SULF2: variants seen among roughly 807,000 people sequenced by gnomAD.
The protein encoded by SULF2 is extracellular sulfatase Sulf-2.
Under a neutral mutation model 107.7 loss-of-function variants are expected in SULF2, and 52 were observed. That is an observed-to-expected ratio of 0.48 (90% CI 0.39 to 0.61). The LOEUF is 0.61. SULF2 is among the 20% of genes least tolerant of loss of function. The pLI, the probability that SULF2 is intolerant of heterozygous loss-of-function variation, is 0.00. For missense variants in SULF2, 993 were observed against 1,177.3 expected, an observed-to-expected ratio of 0.84 and a Z score of 2.29; for synonymous variants, 460 against 464.3, an observed-to-expected ratio of 0.99 and a Z score of 0.12.
chr20:47,751,468 G>T (rs1322915941), intron 2 of SULF2, among the ~76,000 whole-genome samples: 1 of 152,192 alleles, frequency 6.6e-6, no homozygotes, highest in Admixed American at 6.5e-5. Context: ...CTCAATTTGG[G>T]TACTCTCTTC....
chr20:47,674,361 A>C (rs762369512), intron 10 of SULF2, among the ~76,000 whole-genome samples: 8 of 152,292 alleles, frequency 5.3e-5, no homozygotes, highest in Middle Eastern at 3.4e-3. Flanking sequence ...CTGGGTTCAA[A>C]TCCTGCCTCC....
At chr20:47,659,507 A>G in intron 19 of SULF2, 55 bp from the exon 20 acceptor site, 2 of 1,580,970 alleles carry the variant, frequency 1.3e-6, no homozygotes, top group Non-Finnish European at 8.7e-7. Context: ...AAGAAAGAAA[A>G]AGTCCCCAAA....
At chr20:47,664,079 T>A in intron 15 of SULF2, 51 bp downstream of exon 15, 1 of 1,581,738 alleles carries the variant, frequency 6.3e-7, no homozygotes, top group Non-Finnish European at 8.7e-7. Flanking sequence ...GAGGGCCACC[T>A]CCTCATGCAG....
At chr20:47,687,219 A>G (rs2146525597) in intron 5 of SULF2, among the ~76,000 whole-genome samples, 1 of 151,980 alleles carries the variant, frequency 6.6e-6, no homozygotes, top group East Asian at 1.9e-4. Context: ...GCTTTTGGAG[A>G]AGGACACTGA....
At chr20:47,682,866 C>T (rs1429263967) in intron 7 of SULF2, 128 bp downstream of exon 7, 12 of 922,854 alleles carry the variant, frequency 1.3e-5, no homozygotes, top group East Asian at 9.9e-5. Context: ...AATTGCTTTC[C>T]GCTGGCCCTG....
At chr20:47,769,368 T>TC (rs893586215) in intron 1 of SULF2, among the ~76,000 whole-genome samples, 48 of 151,460 alleles carry the variant, frequency 3.2e-4, no homozygotes, top group Non-Finnish European at 6.5e-4. Context: ...TATTTTTTTT[T>TC]TTTTTTTTTA....
At chr20:47,667,683 C>T (rs568667921) in intron 11 of SULF2, among the ~76,000 whole-genome samples, 15 of 152,348 alleles carry the variant, frequency 9.8e-5, no homozygotes, top group Admixed American at 3.3e-4. Context: ...CCAGCAGGCA[C>T]GCACTGCAGT....
intron 5 of SULF2, 57 bp from the exon 6 acceptor site, chr20:47,684,638 G>A: frequency 6.3e-7 from 1 of 1,576,620 alleles, no homozygotes; most frequent in Non-Finnish European, 8.6e-7. Context: ...GACCCTGCCT[G>A]GCCCCCGCCA....
Position 47,692,587 on chromosome 20 carries a change from T to C in SULF2, c.568-2292A>G, listed in dbSNP as rs1195201223. The stretch of plus-strand genomic sequence containing the variant: ...CACCACACCCAGCTAATTTTTCATT[T>C]TTATTCTTATTTTGTAGAGACAGGG... On this transcript the variant is annotated intron_variant, in intron 4 of 20. Transcript: ENST00000688720. Among the ~76,000 whole-genome samples the C allele has an allele frequency of 2.0e-5, 3 of 152,126 alleles. No individual in the cohort carries two copies. In the East Asian group the frequency reaches 5.8e-4, roughly 29 times the overall value.
At chr20:47,674,887 G>A (rs1415308387) in intron 10 of SULF2, among the ~76,000 whole-genome samples, 1 of 152,158 alleles carries the variant, frequency 6.6e-6, no homozygotes, top group Non-Finnish European at 1.5e-5. Context: ...CCTGGGATGG[G>A]GGGCAGACGT....
intron 3 of SULF2, among the ~76,000 whole-genome samples, chr20:47,713,977 A>G (rs1461127422): frequency 1.3e-5 from 2 of 151,994 alleles, no homozygotes; most frequent in Non-Finnish European, 2.9e-5. Flanking sequence ...CGCACAGTGA[A>G]GTCGGCTGAG....
At chr20:47,670,381 C>A (rs938906554) in intron 11 of SULF2, among the ~76,000 whole-genome samples, 7 of 151,544 alleles carry the variant, frequency 4.6e-5, no homozygotes, top group Non-Finnish European at 8.8e-5. Flanking sequence ...TTAGTAGACA[C>A]GGGTTTCACC....
intron 3 of SULF2, among the ~76,000 whole-genome samples, chr20:47,713,207 G>A (rs1342513834): frequency 6.6e-6 from 1 of 152,224 alleles, no homozygotes; most frequent in Non-Finnish European, 1.5e-5. Flanking sequence ...TTGCCCTGCA[G>A]GGGACACTGG....
chr20:47,672,450 C>A, intron 10 of SULF2, 57 bp from the exon 11 acceptor site: 1 of 1,500,824 alleles, frequency 6.7e-7, no homozygotes, highest in South Asian at 1.3e-5. Context: ...AAACCCGCCT[C>A]TCCCCTGCCA....
chr20:47,711,494 G>A (rs1018388558), intron 3 of SULF2, among the ~76,000 whole-genome samples: 9 of 152,182 alleles, frequency 5.9e-5, no homozygotes, highest in African/African-American at 2.2e-4. Context: ...CGCTGCTTTC[G>A]GAGGACTTTC....
chr20:47,683,832 A>C (rs943610219), intron 6 of SULF2, among the ~76,000 whole-genome samples: 1 of 152,258 alleles, frequency 6.6e-6, no homozygotes, highest in Non-Finnish European at 1.5e-5. Context: ...GGACTGATTC[A>C]TGCGACACCA....
chr20:47,690,063 A>C (rs2088142842), intron 5 of SULF2, 63 bp downstream of exon 5: 1 of 1,330,638 alleles, frequency 7.5e-7, no homozygotes, highest in East Asian at 2.8e-5. Context: ...TACTGTTGCT[A>C]AAGCCTGACC....
chr20:47,778,529 A>G (rs919409458), intron 1 of SULF2, among the ~76,000 whole-genome samples: 1 of 152,240 alleles, frequency 6.6e-6, no homozygotes, highest in Non-Finnish European at 1.5e-5. Flanking sequence ...GTTACAGAGA[A>G]TTCCAAGAAG....
intron 2 of SULF2, among the ~76,000 whole-genome samples, chr20:47,754,641 C>T (rs548117004): frequency 8.1e-4 from 123 of 152,314 alleles, no homozygotes; most frequent in African/African-American, 2.8e-3. Flanking sequence ...CCGCATCCAC[C>T]TCCTAGAATT....
Sources: allele counts gnomAD v4.1 joint callset (sites outside exome capture counted in the v4.1 genomes callset), GRCh38; gene constraint gnomAD v4.1.1; transcripts MANE v1.5; gene names NCBI Gene and HGNC (gene_info 2026-07-23, HGNC 2026-07-21).